SYN3: variants seen among roughly 807,000 people sequenced by gnomAD.
SYN3 encodes the protein synapsin III, also known as synapsin-3.
Under a neutral mutation model 65.8 loss-of-function variants are expected in SYN3, and 35 were observed. That is an observed-to-expected ratio of 0.53 (90% CI 0.41 to 0.70). The LOEUF is 0.70. SYN3 is among the 30% of genes least tolerant of loss of function. The pLI is 0.00. For synonymous variants in SYN3, 270 were observed against 292.9 expected (o/e 0.92, Z 0.80); for missense variants, 680 against 749.0 (o/e 0.91, Z 1.08).
intron 2 of SYN3, among the ~76,000 whole-genome samples, chr22:32,990,387 C>CCCATCCATCCACCCATCCAG (rs2052672027): frequency 7.3e-5 from 10 of 137,824 alleles, no homozygotes; most frequent in Non-Finnish European, 1.1e-4. Context: ...CATCCATCCA[C>CCCATCCATCCACCCATCCAG]CCATCCATCC....
chr22:32,777,810 A>G (rs1000257237), intron 6 of SYN3, among the ~76,000 whole-genome samples: 2 of 151,710 alleles, frequency 1.3e-5, no homozygotes, highest in African/African-American at 4.8e-5. Flanking sequence ...TTTTTGTCTT[A>G]CTTAAATGCT....
intron 6 of SYN3, among the ~76,000 whole-genome samples, chr22:32,817,694 G>GTATAAT (rs1215705001): frequency 6.6e-6 from 1 of 152,188 alleles, no homozygotes; most frequent in Non-Finnish European, 1.5e-5. Context: ...ATCTTGCTTG[G>GTATAAT]CTCAGTTCTG....
At chr22:32,644,848 A>C (rs1366381966) in intron 6 of SYN3, among the ~76,000 whole-genome samples, 1 of 151,712 alleles carries the variant, frequency 6.6e-6, no homozygotes, top group Non-Finnish European at 1.5e-5. Context: ...TCTTTTTCTG[A>C]CTGTTCCGGG....
At chr22:32,574,536 T>C (rs2058825291) in intron 7 of SYN3, among the ~76,000 whole-genome samples, 1 of 152,188 alleles carries the variant, frequency 6.6e-6, no homozygotes, top group Admixed American at 6.5e-5. Context: ...AACCCACGCT[T>C]GCTAGTGTTT....
chr22:32,734,438 C>T lies in SYN3; in HGVS notation c.711+130477G>A, dbSNP rs567520929. On this transcript the variant is annotated intron_variant, in intron 6 of 13. Transcript: ENST00000358763. ...GACCCGAGGGATGGGGGCAGAGACA[C>T]TGATCCAAGGTTAACCAGGTCTCTT... Among the ~76,000 whole-genome samples, 29 of 152,282 alleles carry T rather than the reference C, an allele frequency of 1.9e-4. No individual in the cohort carries two copies. The South Asian group carries it at 5.6e-3, about 29-fold the overall frequency.
At position 32,625,419 on chromosome 22, in the gene SYN3, T is replaced by C. The variant is rs191339452; in HGVS notation, c.712-28683A>G. Among the ~76,000 whole-genome samples the C allele has an allele frequency of 1.4e-3, 218 of 152,280 alleles. 4 individuals carry two copies. The East Asian group carries it at 0.037, about 26-fold the overall frequency. The stretch of plus-strand genomic sequence containing the variant: ...GCTCTAGTTTGTCACCAACCACCCC[T>C]TTCTCCCAGCTGGCTTTGGTCCTTT... On this transcript the variant is annotated intron_variant, in intron 6 of 13. Coordinates refer to ENST00000358763, the MANE Select transcript of SYN3 (RefSeq NM_003490.4).
intron 6 of SYN3, among the ~76,000 whole-genome samples, chr22:32,657,643 G>A (rs1364578750): frequency 6.6e-6 from 1 of 152,220 alleles, no homozygotes; most frequent in African/African-American, 2.4e-5. Context: ...GCAGGGCTTG[G>A]TAAGAAGGGC....
At chr22:32,643,557 C>CGGGG (rs1172115733) in intron 6 of SYN3, among the ~76,000 whole-genome samples, 2 of 19,920 alleles carry the variant, frequency 1.0e-4, no homozygotes, top group Admixed American at 7.8e-4. Flanking sequence ...GGTGGGGGGG[C>CGGGG]GGGGGGGGCA....
intron 6 of SYN3, among the ~76,000 whole-genome samples, chr22:32,619,538 C>T (rs1414695127): frequency 6.6e-6 from 1 of 152,176 alleles, no homozygotes; most frequent in Non-Finnish European, 1.5e-5. Flanking sequence ...CTGTGTTACA[C>T]TATGAGCCCT....
intron 6 of SYN3, among the ~76,000 whole-genome samples, chr22:32,716,844 G>T (rs2061046078): frequency 6.6e-6 from 1 of 151,988 alleles, no homozygotes; most frequent in African/African-American, 2.4e-5. Flanking sequence ...TTAAAGTGTG[G>T]TAACATACAT....
chr22:32,759,215 C>T (rs894909175), intron 6 of SYN3, among the ~76,000 whole-genome samples: 9 of 152,272 alleles, frequency 5.9e-5, no homozygotes, highest in African/African-American at 1.9e-4. Context: ...CTAGCCAGCA[C>T]ACATGAGGTG....
At chr22:32,762,514 G>A (rs1389488524) in intron 6 of SYN3, among the ~76,000 whole-genome samples, 2 of 152,236 alleles carry the variant, frequency 1.3e-5, no homozygotes, top group Non-Finnish European at 1.5e-5. Context: ...TGGTGGAAAT[G>A]GTGCCAGATT....
rs904234154 is a variant in SYN3, at chr22:32,837,313, T to C, written c.711+27602A>G. 1.3e-5 allele frequency among the ~76,000 whole-genome samples: 2 copies of C among 152,182 alleles called. No individual in the cohort carries two copies. Among genetic ancestry groups the C allele is most frequent in the Non-Finnish European group, 2.9e-5 (2 of 68,026 alleles). On this transcript the variant is annotated intron_variant, in intron 6 of 13. Transcript: ENST00000358763. The surrounding 1 kb of genome is among the most constrained non-coding windows in gnomAD (Gnocchi z 4.1). ...CCCCCGTGGAGAGGCTGGAGCACTC[T>C]CAGGGGATAGGGGGTGGTCTCAGCC...
chr22:32,996,757 C>T (rs906969394), intron 2 of SYN3, among the ~76,000 whole-genome samples: 1 of 152,200 alleles, frequency 6.6e-6, no homozygotes, highest in Non-Finnish European at 1.5e-5. Flanking sequence ...GTCCAATTTG[C>T]AAACCTGAAC....
At chr22:33,014,787 G>A (rs899292057) in intron 1 of SYN3, among the ~76,000 whole-genome samples, 9 of 151,878 alleles carry the variant, frequency 5.9e-5, no homozygotes, top group African/African-American at 2.2e-4. Flanking sequence ...TCTCAAAAAA[G>A]CCAGCTTCGC....
At chr22:32,749,711 CA>C (rs2045053963) in intron 6 of SYN3, among the ~76,000 whole-genome samples, 2 of 152,176 alleles carry the variant, frequency 1.3e-5, no homozygotes, top group African/African-American at 2.4e-5. Flanking sequence ...CAGTCTACGG[CA>C]TTAGTCTTCT....
At chr22:32,652,852 T>C (rs2060092407) in intron 6 of SYN3, among the ~76,000 whole-genome samples, 1 of 152,034 alleles carries the variant, frequency 6.6e-6, no homozygotes, top group Non-Finnish European at 1.5e-5. Flanking sequence ...CCCCACAGAA[T>C]TGCCTCTCCC....
intron 6 of SYN3, among the ~76,000 whole-genome samples, chr22:32,775,126 T>C (rs1465310630): frequency 4.6e-5 from 7 of 152,208 alleles, no homozygotes; most frequent in Admixed American, 4.6e-4. Context: ...GCTCTCTTGC[T>C]GGCTTGTAGA....
At chr22:32,529,228 C>A in intron 10 of SYN3, 1 of 542,978 alleles carries the variant, frequency 1.8e-6, no homozygotes, top group Non-Finnish European at 3.2e-6. Context: ...ATTCGGCCCA[C>A]GTTTGCTGGA....
Sources: gnomAD v4.1 joint callset for allele counts (sites outside exome capture counted in the v4.1 genomes callset) on GRCh38, gnomAD v4.1.1 for gene constraint, Gnocchi (gnomAD v3.1) non-coding constraint, MANE v1.5 for transcripts, NCBI Gene and HGNC (gene_info 2026-07-23, HGNC 2026-07-21) for gene names.